Variants in ZNF385B observed in about 807,000 individuals in gnomAD.
The protein encoded by ZNF385B is zinc finger protein 385B, also known as zinc finger protein 533.
ZNF385B carries 23 observed loss-of-function variants against 39.2 expected under a neutral mutation model. That is an observed-to-expected ratio of 0.59 (90% confidence interval 0.42 to 0.83). The LOEUF (loss-of-function observed/expected upper bound fraction) is 0.83, where lower values mean the gene tolerates loss of function less well. ZNF385B is among the 40% of genes least tolerant of loss of function. The probability of loss-of-function intolerance (pLI) is 0.00; values close to 1 mark genes in which losing one functional copy is unlikely to be tolerated. For missense variants in ZNF385B, 552 were observed against 598.9 expected (o/e 0.92, Z 0.82); for synonymous variants, 205 against 222.6 (o/e 0.92, Z 0.70).
intron 4 of ZNF385B, among the ~76,000 whole-genome samples, chr2:179,542,973 A>T (rs971462167): frequency 3.3e-5 from 5 of 152,052 alleles, no homozygotes; most frequent in Non-Finnish European, 5.9e-5. Flanking sequence ...TTATGTTAAA[A>T]AAATAAATAA....
intron 6 of ZNF385B, among the ~76,000 whole-genome samples, chr2:179,473,590 G>A (rs772474146): frequency 1.3e-5 from 2 of 152,108 alleles, no homozygotes; most frequent in Non-Finnish European, 2.9e-5. Flanking sequence ...TTGTTACATA[G>A]GTATACCTGT....
chr2:179,780,838 T>TTC (rs1270869974), intron 1 of ZNF385B, among the ~76,000 whole-genome samples: 1 of 152,208 alleles, frequency 6.6e-6, no homozygotes, highest in East Asian at 1.9e-4. Context: ...GACAACTGTT[T>TTC]TCTTAGGCAA....
At chr2:179,689,381 G>T (rs1179203293) in intron 3 of ZNF385B, among the ~76,000 whole-genome samples, 1 of 152,162 alleles carries the variant, frequency 6.6e-6, no homozygotes, top group African/African-American at 2.4e-5. Context: ...GAACAGAGTT[G>T]GAAAGAACCT....
At chr2:179,487,995 T>C (rs1248005177) in intron 5 of ZNF385B, among the ~76,000 whole-genome samples, 1 of 152,216 alleles carries the variant, frequency 6.6e-6, no homozygotes, top group Non-Finnish European at 1.5e-5. Flanking sequence ...CTTCACTTTC[T>C]CAAATCCTCT....
chr2:179,703,445 A>T (rs1030070793), intron 3 of ZNF385B, among the ~76,000 whole-genome samples: 1 of 152,124 alleles, frequency 6.6e-6, no homozygotes, highest in Non-Finnish European at 1.5e-5. Context: ...CCACTCTTTA[A>T]CATAGTATAT....
At chr2:179,652,846 CAA>C (rs10653511) in intron 3 of ZNF385B, among the ~76,000 whole-genome samples, 238 of 140,496 alleles carry the variant, frequency 1.7e-3, no homozygotes, top group African/African-American at 5.9e-3. Flanking sequence ...AGCAAAGCAC[CAA>C]AAAAAAAAAA....
chr2:179,740,030 A>C (rs1013973127), intron 3 of ZNF385B, among the ~76,000 whole-genome samples: 4 of 152,314 alleles, frequency 2.6e-5, no homozygotes, highest in East Asian at 1.9e-4. Flanking sequence ...GAAAAATGAC[A>C]GAAAAAGAAG....
chr2:179,827,274 G>T (rs1023647876), intron 1 of ZNF385B, among the ~76,000 whole-genome samples: 2 of 152,136 alleles, frequency 1.3e-5, no homozygotes, highest in Non-Finnish European at 2.9e-5. Context: ...GATAGGGAGG[G>T]TTGGGGAAGA....
chr2:179,850,249 A>G (rs1709010636), intron 1 of ZNF385B, among the ~76,000 whole-genome samples: 1 of 152,236 alleles, frequency 6.6e-6, no homozygotes, highest in Admixed American at 6.5e-5. Context: ...TTTTATTAAT[A>G]ATGCCAAGAA....
chr2:179,567,324 C>T (rs568536407), intron 3 of ZNF385B, among the ~76,000 whole-genome samples: 129 of 152,252 alleles, frequency 8.5e-4, no homozygotes, highest in African/African-American at 2.8e-3. Context: ...TAGAAACAAG[C>T]TATCTGTGGG....
At chr2:179,501,290 T>A (rs1212244534) in intron 5 of ZNF385B, among the ~76,000 whole-genome samples, 1 of 152,204 alleles carries the variant, frequency 6.6e-6, no homozygotes, top group Non-Finnish European at 1.5e-5. Flanking sequence ...AGTGCACTCC[T>A]ATGTTTGTTG....
intron 9 of ZNF385B, 117 bp downstream of exon 9, chr2:179,444,759 G>A: frequency 2.4e-6 from 2 of 836,582 alleles, no homozygotes; most frequent in Non-Finnish European, 4.0e-6. Flanking sequence ...GTCTATGAGG[G>A]CTATTTAAAT....
At position 179,829,143 on chromosome 2, in the gene ZNF385B, C is replaced by T. The variant is rs181826126; in HGVS notation, c.-155+31958G>A. ...ACACACCATTCTAGTCTTTCCAAAA[C>T]GTCCCAAAATACAGTAAAAGACCAA... On this transcript the variant is annotated intron_variant, in intron 1 of 9. Coordinates refer to ENST00000410066, the MANE Select transcript of ZNF385B (RefSeq NM_152520.6). Among the ~76,000 whole-genome samples the T allele has an allele frequency of 2.8e-3, 424 of 152,116 alleles. 2 individuals carry two copies. Among genetic ancestry groups the T allele is most frequent in the African/African-American group, 9.8e-3 (406 of 41,514 alleles).
intron 6 of ZNF385B, among the ~76,000 whole-genome samples, chr2:179,452,707 C>T (rs1331611360): frequency 6.6e-6 from 1 of 151,980 alleles, no homozygotes; most frequent in Non-Finnish European, 1.5e-5. Context: ...AATTCATGCT[C>T]ACTGCAGAAA....
intron 3 of ZNF385B, among the ~76,000 whole-genome samples, chr2:179,767,946 T>TTA (rs1445846047): frequency 1.3e-5 from 2 of 148,292 alleles, no homozygotes; most frequent in Admixed American, 1.4e-4. Context: ...ATTATATATT[T>TTA]TATATATATA....
intron 1 of ZNF385B, among the ~76,000 whole-genome samples, chr2:179,780,236 C>T (rs142289458): frequency 6.6e-6 from 1 of 152,160 alleles, no homozygotes; most frequent in Non-Finnish European, 1.5e-5. Flanking sequence ...AGAGAATGAA[C>T]AGCAGTACTT....
chr2:179,833,365 G>A (rs924675782), intron 1 of ZNF385B, among the ~76,000 whole-genome samples: 1 of 152,032 alleles, frequency 6.6e-6, no homozygotes, highest in African/African-American at 2.4e-5. Flanking sequence ...CTCTATAGAT[G>A]ATGTATACCT....
chr2:179,474,466 A>G (rs2105540733), intron 6 of ZNF385B, among the ~76,000 whole-genome samples: 1 of 152,266 alleles, frequency 6.6e-6, no homozygotes, highest in East Asian at 1.9e-4. Context: ...CTTTTGCATT[A>G]ACCTAATACT....
At chr2:179,767,693 C>T (rs1262575844) in intron 3 of ZNF385B, among the ~76,000 whole-genome samples, 1 of 152,100 alleles carries the variant, frequency 6.6e-6, no homozygotes, top group East Asian at 1.9e-4. Flanking sequence ...CGCATGCACA[C>T]ATGATAGCAC....
Sources: allele counts gnomAD v4.1 joint callset (sites outside exome capture counted in the v4.1 genomes callset), GRCh38; gene constraint gnomAD v4.1.1; transcripts MANE v1.5; gene names NCBI Gene and HGNC (gene_info 2026-07-23, HGNC 2026-07-21).